The following RYR2 variants were observed in gnomAD, a reference collection of about 807,000 sequenced individuals.
The protein encoded by RYR2 is cardiac muscle ryanodine receptor-calcium release channel.
Under a neutral mutation model 601.1 loss-of-function variants are expected in RYR2, and 227 were observed. The ratio of observed to expected loss-of-function variants is 0.38; its 90% CI spans 0.34 to 0.42. The LOEUF (loss-of-function observed/expected upper bound fraction) is 0.42, where lower values mean the gene tolerates loss of function less well. Among genes scored for constraint, RYR2 ranks in the 10% least tolerant of loss-of-function variants. The pLI is 1.00. For synonymous variants in RYR2, 2,223 were observed against 2,175.1 expected (o/e 1.02, Z -0.61); for missense variants, 4,646 against 6,156.5 (o/e 0.75, Z 8.21).
At chr1:237,432,426 T>C (rs771569282) in intron 12 of RYR2, among the ~76,000 whole-genome samples, 9 of 152,152 alleles carry the variant, frequency 5.9e-5, no homozygotes, top group Non-Finnish European at 1.2e-4. Context: ...CATAAATATA[T>C]TCAGTTGGGA....
chr1:237,617,277 G>C lies in RYR2; in HGVS notation c.5716-9G>C. ...AATTAAATTTGGTGTCTTTTTAATG[G>C]TCTCTTAGATGTGCCTACTGCTTCA... On this transcript the variant is annotated splice_polypyrimidine_tract_variant and intron_variant, in intron 37 of 104. Coordinates refer to ENST00000366574, the MANE Select transcript of RYR2 (RefSeq NM_001035.3). 6.2e-7 allele frequency: 1 copy of C among 1,600,554 alleles called. No homozygotes were observed. The highest frequency in any genetic ancestry group is 1.1e-5 in the South Asian group (1 of 89,082).
intron 1 of RYR2, among the ~76,000 whole-genome samples, chr1:237,168,128 G>A (rs1218863513): frequency 6.6e-6 from 1 of 152,146 alleles, no homozygotes; most frequent in African/African-American, 2.4e-5. Context: ...CTTGGAAAAG[G>A]CCTGTAGTGG....
intron 25 of RYR2, among the ~76,000 whole-genome samples, chr1:237,542,711 C>A (rs1022043930): frequency 6.6e-6 from 1 of 152,104 alleles, no homozygotes; most frequent in Non-Finnish European, 1.5e-5. Context: ...CTCTCTCTGG[C>A]CGCTTGGAGA....
At chr1:237,646,939 A>T (rs1324633668) in intron 48 of RYR2, among the ~76,000 whole-genome samples, 1 of 152,200 alleles carries the variant, frequency 6.6e-6, no homozygotes, top group African/African-American at 2.4e-5. Context: ...TTACAGGCAG[A>T]TGCATTTGTG....
chr1:237,400,797 A>T (rs752183361), intron 10 of RYR2, among the ~76,000 whole-genome samples: 3 of 152,122 alleles, frequency 2.0e-5, no homozygotes, highest in Non-Finnish European at 4.4e-5. Context: ...ATTGGGTCAT[A>T]GTCCCAAAAA....
intron 27 of RYR2, among the ~76,000 whole-genome samples, chr1:237,565,185 T>C (rs1671905142): frequency 2.5e-5 from 2 of 79,774 alleles, no homozygotes; most frequent in Admixed American, 2.3e-4. Flanking sequence ...CTTTCTTTCT[T>C]TCTTTCTTTC....
At chr1:237,612,802 C>T (rs1678035415) in intron 36 of RYR2, among the ~76,000 whole-genome samples, 1 of 152,124 alleles carries the variant, frequency 6.6e-6, no homozygotes, top group Admixed American at 6.5e-5. Flanking sequence ...AACATAACAC[C>T]TTGTCTCAGT....
rs1671264034 is a variant in RYR2 at position 237,559,686 on chromosome 1, C to G, written c.3215-6881C>G. 1.3e-5 allele frequency among the ~76,000 whole-genome samples: 2 copies of G among 152,334 alleles called. 1 individual carries two copies. ...AATTTCTATTGACTGCTTTTTACCC[C>G]TTTATGTATGGGACATACTGTCTTG... On this transcript the variant is annotated intron_variant, in intron 27 of 104. Coordinates refer to ENST00000366574, the MANE Select transcript of RYR2 (RefSeq NM_001035.3).
chr1:237,500,685 C>T, intron 20 of RYR2, 26 bp from the exon 21 acceptor site: 1 of 1,536,666 alleles, frequency 6.5e-7, no homozygotes, highest in Non-Finnish European at 8.8e-7. Flanking sequence ...AATACATGAC[C>T]TTCCTTAATG....
intron 101 of RYR2, among the ~76,000 whole-genome samples, chr1:237,821,358 C>T (rs1395647966): frequency 6.6e-6 from 1 of 152,160 alleles, no homozygotes; most frequent in African/African-American, 2.4e-5. Context: ...TGTTCTGCAA[C>T]CTTCACTGGT....
intron 1 of RYR2, among the ~76,000 whole-genome samples, chr1:237,118,647 C>T (rs1266100525): frequency 6.6e-6 from 1 of 151,990 alleles, no homozygotes; most frequent in East Asian, 1.9e-4. Flanking sequence ...TCTTGTCACC[C>T]AGGCTGGAGT....
chr1:237,721,900 T>A (rs1448287096), intron 73 of RYR2, among the ~76,000 whole-genome samples: 1 of 152,230 alleles, frequency 6.6e-6, no homozygotes, highest in African/African-American at 2.4e-5. Context: ...AATTGCTTGC[T>A]TTTGTCAATT....
chr1:237,637,747 A>G (rs1681026575), intron 44 of RYR2, among the ~76,000 whole-genome samples: 2 of 152,234 alleles, frequency 1.3e-5, no homozygotes, highest in Admixed American at 6.5e-5. Context: ...GTCATTAGAC[A>G]TGTTTGCAAT....
chr1:237,090,858 T>C (rs1410560285), intron 1 of RYR2, among the ~76,000 whole-genome samples: 1 of 152,188 alleles, frequency 6.6e-6, no homozygotes, highest in Non-Finnish European at 1.5e-5. Flanking sequence ...GAGAAGAAGG[T>C]TGGCATGAAA....
chr1:237,239,279 G>T (rs1685906699), intron 1 of RYR2, among the ~76,000 whole-genome samples: 1 of 152,128 alleles, frequency 6.6e-6, no homozygotes, highest in African/African-American at 2.4e-5. Flanking sequence ...CACGGACATG[G>T]AGTGAGGTTA....
chr1:237,553,685 C>T (rs1034638988), intron 27 of RYR2, among the ~76,000 whole-genome samples: 1 of 151,790 alleles, frequency 6.6e-6, no homozygotes, highest in African/African-American at 2.4e-5. Context: ...TACATTTGTC[C>T]ATTTATTTTC....
chr1:237,183,743 C>A (rs572759250), intron 1 of RYR2, among the ~76,000 whole-genome samples: 1 of 152,222 alleles, frequency 6.6e-6, no homozygotes, highest in Admixed American at 6.5e-5. Flanking sequence ...CACATGAACA[C>A]AATATTTTGT....
chr1:237,247,661 AAC>A (rs1445978179), intron 1 of RYR2, among the ~76,000 whole-genome samples: 12 of 152,210 alleles, frequency 7.9e-5, no homozygotes, highest in Admixed American at 7.9e-4. Flanking sequence ...CCATGGGAAG[AAC>A]ACACAAAAGA....
chr1:237,781,134 C>G (rs544711084), intron 88 of RYR2, among the ~76,000 whole-genome samples: 1 of 152,122 alleles, frequency 6.6e-6, no homozygotes, highest in Non-Finnish European at 1.5e-5. Context: ...CTGCAACCTC[C>G]GCCTCCCAGG....
Sources: allele counts gnomAD v4.1 joint callset (sites outside exome capture counted in the v4.1 genomes callset), GRCh38; gene constraint gnomAD v4.1.1; transcripts MANE v1.5; gene names NCBI Gene and HGNC (gene_info 2026-07-23, HGNC 2026-07-21).